Variants in RTKN observed in about 807,000 individuals in gnomAD.
RTKN encodes the protein rhotekin.
A neutral mutation model predicts 63.5 loss-of-function variants in RTKN; 49 were observed. That is an observed-to-expected ratio of 0.77 (90% CI 0.61 to 0.98). The LOEUF (loss-of-function observed/expected upper bound fraction) is 0.98, where lower values mean the gene tolerates loss of function less well. Among genes scored for constraint, RTKN ranks in the 50% least tolerant of loss-of-function variants. The probability of loss-of-function intolerance (pLI) is 0.00; values close to 1 mark genes in which losing one functional copy is unlikely to be tolerated. For missense variants in RTKN, 685 were observed against 740.8 expected (o/e 0.92, Z 0.87); for synonymous variants, 295 against 290.4 (o/e 1.02, Z -0.16).
intron 1 of RTKN, chr2:74,439,535 A>T (rs1046122582): frequency 1.9e-5 from 30 of 1,613,786 alleles, no homozygotes; most frequent in Non-Finnish European, 2.5e-5. Flanking sequence ...GTGTACTCCA[A>T]GGGTCGGGGG....
chr2:74,430,995 G>A (rs1670718539), intron 2 of RTKN: 1 of 339,066 alleles, frequency 2.9e-6, no homozygotes, highest in East Asian at 4.7e-5. Context: ...GAGGGGACAG[G>A]TGCCCACAGA....
Position 74,440,385 on chromosome 2 carries a change from G to A in RTKN, c.111+1321C>T, listed in dbSNP as rs180810558. 7.6e-4 allele frequency: 751 copies of A among 986,592 alleles called. 3 individuals carry two copies. In the African/African-American group the frequency reaches 0.013, roughly 16 times the overall value. 61.1% of individuals were successfully genotyped at this position (986,592 alleles called of 1,614,324 possible). A position where few individuals can be genotyped will look rare whatever the true frequency, so the allele number is the denominator to read the frequency against. The stretch of plus-strand genomic sequence containing the variant: ...TTCCAGAGAAGGGAGGAGAGGGAGA[G>A]AGGAAGGCAGGGGTGTGCCTGTCTG... On this transcript the variant is annotated intron_variant, in intron 1 of 11. Coordinates refer to ENST00000272430, the MANE Select transcript of RTKN (RefSeq NM_001015055.2).
rs770753467 is a variant in RTKN at position 74,441,710 on chromosome 2, G to C, written c.107C>G (p.Pro36Arg). 1 of 1,608,848 alleles carries C rather than the reference G, an allele frequency of 6.2e-7. No homozygotes were observed. Among genetic ancestry groups the C allele is most frequent in the South Asian group, 1.1e-5 (1 of 89,960 alleles). ...GCAGGGACGCGAGTCTCTCACCTCGGGCAGGTCGCTGAAGAGGCTGAGTCG... is the reference window on the plus strand; with the variant it reads ...GCAGGGACGCGAGTCTCTCACCTCGCGCAGGTCGCTGAAGAGGCTGAGTCG... ...RFRLSLFSDL[P>R]EDTELQRKLD... The change falls in exon 1 of 12, where the codon CCC becomes CGC. Residue 36 changes from proline to arginine, a missense_variant. Coordinates refer to ENST00000272430, the MANE Select transcript of RTKN (RefSeq NM_001015055.2).
chr2:74,427,179 G>A lies in RTKN; in HGVS notation c.1350C>T (p.Tyr450=). Residue 450 remains tyrosine, a synonymous_variant, in exon 11 of 12, where the codon TAC becomes TAT. Coordinates refer to ENST00000272430, the MANE Select transcript of RTKN (RefSeq NM_001015055.2). ...PQALAKQGSL[Y]HEMAIEPLDD... is the part of the protein sequence containing the mutation. The stretch of plus-strand genomic sequence containing the variant: ...ATTCCTCTCACTTACCCATCTCATG[G>A]TACAAGGACCCCTGCTTTGCCAGTG... 6.2e-7 allele frequency: 1 copy of A among 1,613,820 alleles called. No homozygotes were observed. Among genetic ancestry groups the A allele is most frequent in the South Asian group, 1.1e-5 (1 of 91,076 alleles).
intron 1 of RTKN, among the ~76,000 whole-genome samples, chr2:74,437,800 A>G (rs899963334): frequency 6.6e-6 from 1 of 152,216 alleles, no homozygotes; most frequent in Admixed American, 6.5e-5. Context: ...AGTCCCAACG[A>G]GTTCACTGGA....
At chr2:74,439,924 G>T in intron 1 of RTKN, 1 of 1,225,956 alleles carries the variant, frequency 8.2e-7, no homozygotes, top group South Asian at 2.0e-5. Flanking sequence ...AGCTGCAGAG[G>T]GGGCTCTAGG....
At chr2:74,438,068 G>A (rs1362510530) in intron 1 of RTKN, among the ~76,000 whole-genome samples, 1 of 151,126 alleles carries the variant, frequency 6.6e-6, no homozygotes, top group East Asian at 1.9e-4. Flanking sequence ...AGGGCTTGAG[G>A]GGGGACAGCA....
In RTKN at chr2:74,428,624, C is replaced by A. The variant is rs1267688653; in HGVS notation, c.957+7G>T. On this transcript the variant is annotated splice_region_variant and intron_variant, in intron 8 of 11. Coordinates refer to ENST00000272430, the MANE Select transcript of RTKN (RefSeq NM_001015055.2). ...CTGCTCCCTTCCACTCCTCAGGGCC[C>A]CCTCACCTGCACCCTGAGGGTACCA... 5 of 1,610,658 alleles carry A rather than the reference C, an allele frequency of 3.1e-6. No homozygotes were observed. In the African/African-American group the frequency reaches 6.7e-5, roughly 22 times the overall value.
intron 1 of RTKN, among the ~76,000 whole-genome samples, chr2:74,438,574 G>C (rs1558551332): frequency 6.6e-6 from 1 of 152,198 alleles, no homozygotes; most frequent in Non-Finnish European, 1.5e-5. Context: ...GTGAAATCCA[G>C]GTGCCTTATC....
intron 1 of RTKN, chr2:74,440,620 A>G (rs992278780): frequency 5.6e-5 from 53 of 948,506 alleles, no homozygotes; most frequent in Admixed American, 6.2e-5. Flanking sequence ...GCCCCAGCTC[A>G]CAGGCCCCTC....
rs1670683471 is a variant in RTKN at position 74,430,475 on chromosome 2, C to G, written c.417G>C (p.Lys139Asn). The G allele has an allele frequency of 6.2e-7, 1 of 1,614,052 alleles. No individual in the cohort carries two copies. The highest frequency in any genetic ancestry group is 1.1e-5 in the South Asian group (1 of 91,080). ...GTGTGTGGAACTCACCACCTTTGTT[C>G]TTGAAATATTCTGTGTCCTTCCACA... ...PLMWKDTEYF[K>N]NKGDLHRWAV... Residue 139 changes from lysine (K) to asparagine (N), a missense_variant, in exon 4 of 12, where the codon AAG becomes AAC. Coordinates refer to ENST00000272430, the MANE Select transcript of RTKN (RefSeq NM_001015055.2).
In RTKN at chr2:74,425,840, C is replaced by A; in HGVS notation, c.*403G>T. The A allele has an allele frequency of 6.8e-7, 1 of 1,460,136 alleles. No homozygotes were observed. Among genetic ancestry groups the A allele is most frequent in the Non-Finnish European group, 9.2e-7 (1 of 1,081,326 alleles). 90.4% of individuals were successfully genotyped at this position (1,460,136 alleles called of 1,614,324 possible). On this transcript the variant is annotated 3_prime_UTR_variant, in exon 12 of 12. Coordinates refer to ENST00000272430, the MANE Select transcript of RTKN (RefSeq NM_001015055.2). ...GGGATGATGTGAGGCAGGTCTAGAC[C>A]AGGCAGAGAGAGGCACCCTGTCCTC... is the stretch of plus-strand genomic sequence containing the variant.
intron 1 of RTKN, among the ~76,000 whole-genome samples, chr2:74,437,298 G>A (rs925594647): frequency 2.0e-5 from 3 of 152,162 alleles, no homozygotes; most frequent in Non-Finnish European, 4.4e-5. Context: ...CTTGCAACTT[G>A]AGTCACTTCC....
chr2:74,428,512 C>A, intron 8 of RTKN, 116 bp from the exon 9 acceptor site: 1 of 1,571,706 alleles, frequency 6.4e-7, no homozygotes, highest in Non-Finnish European at 8.7e-7. Flanking sequence ...CTCCCCTCGT[C>A]TGGCCATACC....
In RTKN at chr2:74,432,494, G is replaced by T; in HGVS notation, c.284C>A (p.Ala95Glu). 1.2e-6 allele frequency: 2 copies of T among 1,611,816 alleles called. No individual in the cohort carries two copies. The highest frequency in any genetic ancestry group is 1.7e-6 in the Non-Finnish European group (2 of 1,180,010). ...CCGGCTTGTCTTCCCCAGCACCTGCGCCTCCTTGCGCCGCTGCAGCTCGCC... is the reference window on the plus strand; with the variant it reads ...CCGGCTTGTCTTCCCCAGCACCTGCTCCTCCTTGCGCCGCTGCAGCTCGCC... ...YMGELQRRKE[A>E]QVLGKTSRRP... The change falls in exon 2 of 12, where the codon GCG (alanine) becomes GAG (glutamate). Residue 95 changes from alanine (A) to glutamate (E), a missense_variant. Physicochemically the swap from Ala to Glu is moderately radical, Grantham distance 107 (BLOSUM62 -1). Transcript: ENST00000272430.
Position 74,429,845 on chromosome 2 carries a change from G to C in RTKN, c.738C>G (p.Leu246=), listed in dbSNP as rs139676001. The C allele has an allele frequency of 6.2e-7, 1 of 1,613,774 alleles. No homozygotes were observed. Among genetic ancestry groups the C allele is most frequent in the African/African-American group, 1.3e-5 (1 of 74,936 alleles). The stretch of plus-strand genomic sequence containing the variant: ...GGCCTTACCCAACAACTGGGGTGGG[G>C]AGCAAGATGGGACTGCTCCCTGAAC... ...AGGSGSSPIL[L]PTPVVGGPRY... Residue 246 remains leucine, a synonymous_variant, in exon 6 of 12, where the codon CTC becomes CTG. Coordinates refer to ENST00000272430, the MANE Select transcript of RTKN (RefSeq NM_001015055.2).
chr2:74,439,296 A>C (rs370112154), intron 1 of RTKN, among the ~76,000 whole-genome samples: 60 of 152,336 alleles, frequency 3.9e-4, no homozygotes, highest in Non-Finnish European at 1.5e-5. Flanking sequence ...TCCCCAGAAC[A>C]GACATTTACA....
rs755656341 is a variant in RTKN at position 74,432,677 on chromosome 2, T to C, written c.112-11A>G. 13 of 1,613,562 alleles carry C rather than the reference T, an allele frequency of 8.1e-6. No homozygotes were observed. Among genetic ancestry groups the C allele is most frequent in the East Asian group, 2.2e-5 (1 of 44,866 alleles). On this transcript the variant is annotated splice_polypyrimidine_tract_variant and intron_variant, in intron 1 of 11. Coordinates refer to ENST00000272430, the MANE Select transcript of RTKN (RefSeq NM_001015055.2). ...CTGCAACTCCGTGTCCTAGCCAGGG[T>C]TGGGGGAAGGGTGAGAAGGAAATGT...
intron 1 of RTKN, among the ~76,000 whole-genome samples, chr2:74,433,490 C>A (rs1458726888): frequency 6.8e-6 from 1 of 146,114 alleles, no homozygotes. Context: ...TTCAGTGCGG[C>A]ATTTTTTTTT....
Sources: allele counts gnomAD v4.1 joint callset (sites outside exome capture counted in the v4.1 genomes callset), GRCh38; gene constraint gnomAD v4.1.1; transcripts MANE v1.5; gene names NCBI Gene and HGNC (gene_info 2026-07-23, HGNC 2026-07-21).